The following STOX2 variants were observed in gnomAD, a reference collection of about 807,000 sequenced individuals.
STOX2 encodes the protein storkhead box 2.
In STOX2, 28 loss-of-function variants were observed where a neutral mutation model predicts 60.9. That is an observed-to-expected ratio of 0.46 (90% CI 0.34 to 0.63). STOX2 has a LOEUF of 0.63. Among genes scored for constraint, STOX2 ranks in the 30% least tolerant of loss-of-function variants. The pLI is 0.01. For missense variants in STOX2, 1,024 were observed against 1,187.7 expected, an observed-to-expected ratio of 0.86 and a Z score of 2.03; for synonymous variants, 472 against 463.9, an observed-to-expected ratio of 1.02 and a Z score of -0.22.
chr4:183,953,316 G>C (rs189028445), intron 1 of STOX2, among the ~76,000 whole-genome samples: 2 of 152,124 alleles, frequency 1.3e-5, no homozygotes, highest in Non-Finnish European at 2.9e-5. Flanking sequence ...CACAGGGGTG[G>C]TATATGGGTC....
At chr4:183,822,958 G>A (rs913364233) in intron 1 of STOX2, among the ~76,000 whole-genome samples, 2 of 152,238 alleles carry the variant, frequency 1.3e-5, no homozygotes, top group African/African-American at 4.8e-5. Flanking sequence ...GCCTGCACAT[G>A]GCTCTCCTAG....
At chr4:183,996,026 G>A (rs76625198) in intron 1 of STOX2, among the ~76,000 whole-genome samples, 2,145 of 152,302 alleles carry the variant, frequency 0.014, 40 homozygotes, top group Non-Finnish European at 0.017. Flanking sequence ...TTTCACTCAT[G>A]CATTTTAAAT....
At chr4:183,863,396 C>G (rs994778126) in intron 1 of STOX2, among the ~76,000 whole-genome samples, 3 of 152,172 alleles carry the variant, frequency 2.0e-5, no homozygotes, top group African/African-American at 7.2e-5. Context: ...ACTAAATGAG[C>G]TCTTGAAAGA....
chr4:183,858,056 A>G (rs1267910696), intron 1 of STOX2, among the ~76,000 whole-genome samples: 1 of 152,148 alleles, frequency 6.6e-6, no homozygotes, highest in Non-Finnish European at 1.5e-5. Flanking sequence ...AGGAGCGGGT[A>G]GTAAATAGGC....
At position 183,834,525 on chromosome 4, in the gene STOX2, G is replaced by A. The variant is rs1217851733; in HGVS notation, c.364+36470G>A. 2.6e-5 allele frequency among the ~76,000 whole-genome samples: 4 copies of A among 152,182 alleles called. No individual in the cohort carries two copies. In the East Asian group the frequency reaches 5.8e-4, roughly 22 times the overall value. On this transcript the variant is annotated intron_variant, in intron 1 of 2. Coordinates refer to the STOX2 transcript ENST00000513034. ...GGCTCCCAGGCTGCCGTCTTGGCTC[G>A]TGTGAGTCAGTGGCATGGAACACGC...
intron 1 of STOX2, among the ~76,000 whole-genome samples, chr4:183,953,058 G>T (rs1412042684): frequency 2.0e-5 from 3 of 152,142 alleles, no homozygotes; most frequent in South Asian, 2.1e-4. Context: ...GGCTGGGGGA[G>T]GGATAGCATT....
At chr4:183,808,020 T>TAGCA (rs1187067929) in intron 1 of STOX2, among the ~76,000 whole-genome samples, 1 of 152,220 alleles carries the variant, frequency 6.6e-6, no homozygotes, top group African/African-American at 2.4e-5. Flanking sequence ...CGGGTTCCCG[T>TAGCA]AGCAGATGGA....
chr4:183,931,051 CA>C (rs1742407604), intron 1 of STOX2, among the ~76,000 whole-genome samples: 1 of 152,054 alleles, frequency 6.6e-6, no homozygotes, highest in Admixed American at 6.5e-5. Flanking sequence ...GTGTTGAACC[CA>C]AAGCCTAGCT....
At position 184,010,349 on chromosome 4, in the gene STOX2, C is replaced by A. The variant is rs755584822; in HGVS notation, c.1511C>A (p.Ser504Tyr). ...MDNSKGPLGA[S>Y]SLGTPEDLAE... ...AACTCCAAAGGCCCTCTGGGTGCTT[C>A]TTCTCTAGGGACGCCGGAAGACCTT... is the stretch of plus-strand genomic sequence containing the variant. The change falls in exon 3 of 4, where the codon TCT becomes TAT. Residue 504 changes from serine (S) to tyrosine (Y), a missense_variant. Ser to Tyr is a moderately radical substitution (Grantham distance 144). Coordinates refer to ENST00000308497, the MANE Select transcript of STOX2 (RefSeq NM_020225.3). This position sits in a 1 kb window ranked among gnomAD's most constrained non-coding sequence, Gnocchi z 4.5. The A allele has an allele frequency of 1.2e-5, 19 of 1,610,842 alleles. No homozygotes were observed. Among genetic ancestry groups the A allele is most frequent in the Admixed American group, 3.4e-5 (2 of 59,582 alleles).
chr4:183,993,685 C>T (rs965556465), intron 1 of STOX2, among the ~76,000 whole-genome samples: 7 of 152,190 alleles, frequency 4.6e-5, no homozygotes, highest in Non-Finnish European at 7.3e-5. Flanking sequence ...CTATTGCCAT[C>T]GGGCTCAGCC....
intron 1 of STOX2, among the ~76,000 whole-genome samples, chr4:183,893,384 C>T (rs1202153101): frequency 6.6e-6 from 1 of 152,188 alleles, no homozygotes; most frequent in Non-Finnish European, 1.5e-5. Flanking sequence ...AGTGCTGGCA[C>T]TTGCCCCTTC....
chr4:183,878,063 A>G (rs1292564111), intron 1 of STOX2, among the ~76,000 whole-genome samples: 1 of 152,194 alleles, frequency 6.6e-6, no homozygotes, highest in Non-Finnish European at 1.5e-5. Context: ...TATCACTTGA[A>G]GTTTTTAGAC....
At chr4:183,849,837 C>T (rs2111139425) in intron 1 of STOX2, among the ~76,000 whole-genome samples, 1 of 152,292 alleles carries the variant, frequency 6.6e-6, no homozygotes, top group African/African-American at 2.4e-5. Context: ...ATTTCCATTT[C>T]ATTTTATTGC....
intron 1 of STOX2, among the ~76,000 whole-genome samples, chr4:183,898,410 T>G (rs2309940): frequency 0.94 from 142,322 of 152,210 alleles, 67,120 homozygotes; most frequent in Non-Finnish European, 1. Context: ...GGCATAAAGA[T>G]GATACATTTT....
intron 1 of STOX2, among the ~76,000 whole-genome samples, chr4:183,933,545 T>C (rs1742498536): frequency 6.6e-6 from 1 of 152,052 alleles, no homozygotes; most frequent in Non-Finnish European, 1.5e-5. Flanking sequence ...CCCGCCACCA[T>C]GCCAGGCTAA....
chr4:183,990,590 T>G lies in STOX2; in HGVS notation c.167-10735T>G. 3.8e-5 allele frequency among the ~76,000 whole-genome samples: 3 copies of G among 79,430 alleles called. No individual in the cohort carries two copies. The South Asian group carries it at 1.5e-3, about 40-fold the overall frequency. 52.1% of individuals were successfully genotyped at this position (79,430 alleles called of 152,430 possible). A position where few individuals can be genotyped will look rare whatever the true frequency, so the allele number is the denominator to read the frequency against. The stretch of plus-strand genomic sequence containing the variant: ...TTTAAAAAGCAGGATTTTTTTTTTT[T>G]TTTTTTTTTTTTTTTTTTTTTTTTT... On this transcript the variant is annotated intron_variant, in intron 1 of 3. Transcript: ENST00000308497.
In STOX2 at chr4:183,821,466, A is replaced by G. The variant is rs1431073123; in HGVS notation, c.364+23411A>G. The stretch of plus-strand genomic sequence containing the variant: ...TGAAAATTGTAATTCCTTTTCTTCT[A>G]CCTGCTGGATATTTTCACCCATGAC... On this transcript the variant is annotated intron_variant, in intron 1 of 2. Transcript: ENST00000513034. The surrounding 1 kb of genome is among the most constrained non-coding windows in gnomAD (Gnocchi z 4.2). 6.6e-6 allele frequency among the ~76,000 whole-genome samples: 1 copy of G among 152,208 alleles called. No homozygotes were observed. The highest frequency in any genetic ancestry group is 1.9e-4 in the East Asian group (1 of 5,196).
intron 1 of STOX2, among the ~76,000 whole-genome samples, chr4:183,807,237 G>T (rs1276813343): frequency 6.6e-6 from 1 of 152,210 alleles, no homozygotes; most frequent in Non-Finnish European, 1.5e-5. Flanking sequence ...CTCCCAAAGT[G>T]CTGGGATTAC....
intron 1 of STOX2, among the ~76,000 whole-genome samples, chr4:183,831,123 G>A (rs1739556742): frequency 6.6e-6 from 1 of 151,966 alleles, no homozygotes; most frequent in African/African-American, 2.4e-5. Context: ...TGGGTGTGGA[G>A]GCGTGAGGGG....
Sources: gnomAD v4.1 joint callset for allele counts (sites outside exome capture counted in the v4.1 genomes callset) on GRCh38, gnomAD v4.1.1 for gene constraint, Gnocchi (gnomAD v3.1) non-coding constraint, MANE v1.5 for transcripts, NCBI Gene and HGNC (gene_info 2026-07-23, HGNC 2026-07-21) for gene names.